Variants in CDC42BPA observed in about 807,000 individuals in gnomAD.
CDC42BPA encodes the protein serine/threonine-protein kinase MRCK alpha.
Under a neutral mutation model 223.5 loss-of-function variants are expected in CDC42BPA, and 80 were observed. The ratio of observed to expected loss-of-function variants is 0.36; its 90% confidence interval spans 0.30 to 0.43. The LOEUF (loss-of-function observed/expected upper bound fraction) is 0.43, where lower values mean the gene tolerates loss of function less well. CDC42BPA is among the 20% of genes least tolerant of loss of function. The pLI is 1.00. For missense variants in CDC42BPA, 1,743 were observed against 2,099.9 expected (o/e 0.83, Z 3.32); for synonymous variants, 694 against 718.6 (o/e 0.97, Z 0.55).
At chr1:227,278,105 A>C (rs1687424215) in intron 1 of CDC42BPA, among the ~76,000 whole-genome samples, 2 of 152,188 alleles carry the variant, frequency 1.3e-5, no homozygotes, top group Admixed American at 6.5e-5. Flanking sequence ...AAAAGATTCA[A>C]ACTAGGCCAC....
chr1:227,200,362 C>T (rs1671508118), intron 3 of CDC42BPA, among the ~76,000 whole-genome samples: 1 of 150,418 alleles, frequency 6.6e-6, no homozygotes, highest in Non-Finnish European at 1.5e-5. Context: ...ACCCAGGAGG[C>T]ACAGGTTGCA....
chr1:227,139,473 TTAAAA>T (rs1352124807), intron 10 of CDC42BPA, 98 bp downstream of exon 10: 11 of 732,834 alleles, frequency 1.5e-5, no homozygotes, highest in Middle Eastern at 4.0e-4. Flanking sequence ...TTTTCACCAC[TTAAAA>T]TAATTTTTTT....
chr1:227,135,963 G>A (rs886312807), intron 10 of CDC42BPA, among the ~76,000 whole-genome samples: 5 of 150,200 alleles, frequency 3.3e-5, no homozygotes, highest in African/African-American at 9.8e-5. Flanking sequence ...ACCTCTCTGG[G>A]GCAAAAATAA....
rs963757803 is a variant in CDC42BPA, at chr1:227,028,307, A to G, written c.4432+350T>C. ...CTCACTTAGTAACTACTTCTCCAGA[A>G]TAAGTTCTGTGAAACACTGATGCTT... On this transcript the variant is annotated intron_variant, in intron 30 of 36. Transcript: ENST00000366766. Among the ~76,000 whole-genome samples the G allele has an allele frequency of 3.0e-4, 45 of 152,326 alleles. 1 individual carries two copies. The highest frequency in any genetic ancestry group is 1.1e-3 in the African/African-American group (44 of 41,574).
intron 21 of CDC42BPA, among the ~76,000 whole-genome samples, chr1:227,058,359 C>T (rs910718273): frequency 6.6e-5 from 10 of 152,116 alleles, no homozygotes; most frequent in Non-Finnish European, 1.0e-4. Context: ...AGCAGGCCAC[C>T]CCTACTGCTT....
At chr1:227,013,651 T>C (rs947722630) in intron 34 of CDC42BPA, among the ~76,000 whole-genome samples, 7 of 152,098 alleles carry the variant, frequency 4.6e-5, no homozygotes, top group Admixed American at 4.6e-4. Context: ...CTACAAACAT[T>C]TTCTATACTA....
chr1:227,307,126 C>T (rs1006400533), intron 1 of CDC42BPA, among the ~76,000 whole-genome samples: 28 of 152,170 alleles, frequency 1.8e-4, no homozygotes, highest in African/African-American at 6.8e-4. Context: ...ACTAGCTTAG[C>T]AGGTGCATCT....
At chr1:227,214,904 A>T (rs970038203) in intron 2 of CDC42BPA, among the ~76,000 whole-genome samples, 12 of 152,284 alleles carry the variant, frequency 7.9e-5, no homozygotes, top group Non-Finnish European at 1.5e-4. Flanking sequence ...AATGCCAGGC[A>T]CTATGGTAAG....
intron 2 of CDC42BPA, among the ~76,000 whole-genome samples, chr1:227,244,833 C>T (rs1680633848): frequency 6.6e-6 from 1 of 152,218 alleles, no homozygotes; most frequent in Non-Finnish European, 1.5e-5. Context: ...TTCCTATTCC[C>T]TGGCAATGGC....
intron 16 of CDC42BPA, among the ~76,000 whole-genome samples, chr1:227,085,661 ATCCTACC>A (rs1681710405): frequency 6.6e-6 from 1 of 152,184 alleles, no homozygotes; most frequent in Admixed American, 6.5e-5. Flanking sequence ...ACCCCATTTA[ATCCTACC>A]TCCAACCTCC....
intron 2 of CDC42BPA, chr1:227,219,470 A>T (rs1675448787): frequency 6.6e-6 from 1 of 152,232 alleles, no homozygotes; most frequent in South Asian, 2.1e-4. Flanking sequence ...TAACTAACAC[A>T]ATTGAGTTGT....
At chr1:227,030,506 G>GA (rs748973730) in intron 28 of CDC42BPA, 36 bp from the exon 29 acceptor site, 66 of 1,330,412 alleles carry the variant, frequency 5.0e-5, no homozygotes, top group Non-Finnish European at 6.5e-5. Flanking sequence ...TTTTTATTAG[G>GA]AAAAAAACCA....
intron 14 of CDC42BPA, among the ~76,000 whole-genome samples, chr1:227,107,920 A>T (rs1378386025): frequency 6.6e-6 from 1 of 152,142 alleles, no homozygotes; most frequent in Non-Finnish European, 1.5e-5. Context: ...GTTGGTCAGT[A>T]ATAAAATTTT....
At chr1:227,285,922 T>C (rs1378869468) in intron 1 of CDC42BPA, among the ~76,000 whole-genome samples, 5 of 152,118 alleles carry the variant, frequency 3.3e-5, no homozygotes, top group Non-Finnish European at 7.4e-5. Flanking sequence ...GCATCCTGAG[T>C]CGGCACAAGG....
chr1:227,007,542 T>C (rs1179900633), intron 34 of CDC42BPA, among the ~76,000 whole-genome samples: 2 of 152,260 alleles, frequency 1.3e-5, no homozygotes, highest in Non-Finnish European at 2.9e-5. Context: ...TAAGAGTTGA[T>C]GATACTGTAT....
At chr1:227,103,869 T>C (rs1036427607) in intron 14 of CDC42BPA, among the ~76,000 whole-genome samples, 5 of 152,054 alleles carry the variant, frequency 3.3e-5, no homozygotes, top group Non-Finnish European at 7.4e-5. Context: ...GAAAGCAGAA[T>C]TAAATACTTA....
chr1:227,031,149 C>CTCAT, intron 28 of CDC42BPA, 149 bp downstream of exon 28: 1 of 641,226 alleles, frequency 1.6e-6, no homozygotes, highest in Non-Finnish European at 2.8e-6. Context: ...TGATATAGGT[C>CTCAT]TCATTCATTC....
At chr1:227,218,761 T>G (rs181296059) in intron 2 of CDC42BPA, among the ~76,000 whole-genome samples, 1 of 152,214 alleles carries the variant, frequency 6.6e-6, no homozygotes, top group African/African-American at 2.4e-5. Context: ...ACAAAATGTA[T>G]AGAAATCACT....
chr1:227,034,930 G>A (rs1669957743), intron 25 of CDC42BPA, 136 bp from the exon 26 acceptor site: 1 of 662,322 alleles, frequency 1.5e-6, no homozygotes, highest in Admixed American at 3.3e-5. Flanking sequence ...GGTTGGTAAA[G>A]TAGCAGATGA....
Sources: gnomAD v4.1 joint callset for allele counts (sites outside exome capture counted in the v4.1 genomes callset) on GRCh38, gnomAD v4.1.1 for gene constraint, MANE v1.5 for transcripts, NCBI Gene and HGNC (gene_info 2026-07-23, HGNC 2026-07-21) for gene names.